The following ZNF35 variants were observed in gnomAD, a reference collection of about 807,000 sequenced individuals.
ZNF35 encodes zinc finger protein 35 (clone HF.10).
ZNF35 carries 31 observed loss-of-function variants against 45.9 expected under a neutral mutation model. The observed-to-expected ratio is 0.68, with a 90% CI of 0.51 to 0.91. The LOEUF is 0.91. Among genes scored for constraint, ZNF35 ranks in the 40% least tolerant of loss-of-function variants. The pLI is 0.00. For missense variants in ZNF35, 515 were observed against 625.4 expected (o/e 0.82, Z 1.88); for synonymous variants, 205 against 220.2 (o/e 0.93, Z 0.61).
Position 44,660,333 on chromosome 3 carries a change from AT to A in ZNF35, c.*388del, listed in dbSNP as rs1703378930. On this transcript the variant is annotated 3_prime_UTR_variant, in exon 4 of 4. Transcript: ENST00000396056. ...ACAGGCAGGTTATCTGCCTGGTTGA[AT>A]TCTGGTTGAACCGTGTATTCTAATA... 6.2e-6 allele frequency: 1 copy of A among 162,440 alleles called. No homozygotes were observed. Among genetic ancestry groups the A allele is most frequent in the African/African-American group, 2.4e-5 (1 of 41,680 alleles). 10.1% of individuals were successfully genotyped at this position (162,440 alleles called of 1,614,324 possible).
intron 3 of ZNF35, among the ~76,000 whole-genome samples, chr3:44,653,830 A>C (rs1703248793): frequency 6.6e-6 from 1 of 152,174 alleles, no homozygotes; most frequent in South Asian, 2.1e-4. Flanking sequence ...CTGTGTTTCA[A>C]AGCACTTACT....
At chr3:44,651,370 C>T (rs1342532688) in intron 2 of ZNF35, 111 bp downstream of exon 2, 1 of 1,012,932 alleles carries the variant, frequency 9.9e-7, no homozygotes. Context: ...TTCTTGGGTA[C>T]AATTCTAGCT....
chr3:44,646,742 T>C (rs1702980546), upstream of ZNF35: 1 of 489,998 alleles, frequency 2.0e-6, no homozygotes, highest in Non-Finnish European at 3.6e-6. Flanking sequence ...AGGAGGCTTG[T>C]TTTTAAAAGA....
rs758095422 is a variant in ZNF35 at position 44,659,118 on chromosome 3, G to C, written c.755G>C (p.Cys252Ser). The change falls in exon 4 of 4, where the codon TGT becomes TCT. Residue 252 changes from cysteine (C) to serine (S), a missense_variant. By Grantham distance (112) the Cys-to-Ser change is moderately radical. This residue lies in a region of ZNF35 where 275 missense variants were observed against 295.7 expected (regional missense o/e 0.93). Transcript: ENST00000396056. This position sits in a 1 kb window ranked among gnomAD's most constrained non-coding sequence, Gnocchi z 4.3. ...CACACTGGAGAGAAACCCTTTGAAT[G>C]TCATGAGTGTGGGAAGGCCTTCATT... ...RIHTGEKPFECHECGKAFIQS... is the reference protein window; with the variant it reads ...RIHTGEKPFESHECGKAFIQS... The C allele has an allele frequency of 6.2e-7, 1 of 1,614,184 alleles. No individual in the cohort carries two copies. The highest frequency in any genetic ancestry group is 8.5e-7 in the Non-Finnish European group (1 of 1,180,018).
intron 2 of ZNF35, among the ~76,000 whole-genome samples, chr3:44,651,636 T>C (rs913443107): frequency 2.0e-5 from 3 of 152,102 alleles, no homozygotes; most frequent in African/African-American, 7.2e-5. Flanking sequence ...AAGACCAGCC[T>C]GAGCAACATT....
upstream of ZNF35, chr3:44,647,592 T>G (rs1703031947): frequency 1.3e-5 from 2 of 152,362 alleles, no homozygotes; most frequent in South Asian, 4.1e-4. Flanking sequence ...GTGGTTTATG[T>G]ATTACCATGG....
chr3:44,656,688 T>A (rs1294510200), intron 3 of ZNF35, among the ~76,000 whole-genome samples: 6 of 134,472 alleles, frequency 4.5e-5, no homozygotes, highest in African/African-American at 1.7e-4. Context: ...TGCACCCGGC[T>A]TTTTTTTTTT....
chr3:44,657,592 CAG>C (rs1703331912), intron 3 of ZNF35, among the ~76,000 whole-genome samples: 1 of 152,162 alleles, frequency 6.6e-6, no homozygotes, highest in South Asian at 2.1e-4. Flanking sequence ...GTAAAGCATC[CAG>C]AGACTAATCA....
At chr3:44,656,460 G>A (rs552832447) in intron 3 of ZNF35, among the ~76,000 whole-genome samples, 2 of 149,280 alleles carry the variant, frequency 1.3e-5, no homozygotes, top group South Asian at 2.1e-4. Context: ...GCACGATTTC[G>A]GCTAACTGCA....
intron 2 of ZNF35, among the ~76,000 whole-genome samples, chr3:44,651,692 G>A (rs551481468): frequency 6.6e-6 from 1 of 152,014 alleles, no homozygotes; most frequent in Non-Finnish European, 1.5e-5. Context: ...AATTAGCTTG[G>A]CATGGTGGCA....
At position 44,659,833 on chromosome 3, in the gene ZNF35, C is replaced by T. The variant is rs147536446; in HGVS notation, c.1470C>T (p.Thr490=). 2.3e-5 allele frequency: 36 copies of T among 1,597,200 alleles called. 1 individual carries two copies. In the South Asian group the frequency reaches 3.6e-4, roughly 16 times the overall value. ...GKAFRQRSSL[T]VHQRTHTGEK... Reference sequence around the variant, plus strand: ...CCTTCAGACAGAGGTCGAGCCTCACCGTGCACCAGAGAACCCACACTGGGG... The same window carrying T: ...CCTTCAGACAGAGGTCGAGCCTCACTGTGCACCAGAGAACCCACACTGGGG... The change falls in exon 4 of 4, where the codon ACC becomes ACT. Residue 490 remains threonine, a synonymous_variant. Coordinates refer to ENST00000396056, the MANE Select transcript of ZNF35 (RefSeq NM_003420.4). The surrounding 1 kb of genome is among the most constrained non-coding windows in gnomAD (Gnocchi z 4.3).
At position 44,650,948 on chromosome 3, in the gene ZNF35, T is replaced by C; in HGVS notation, c.-120T>C. On this transcript the variant is annotated 5_prime_UTR_variant, in exon 2 of 4. Coordinates refer to ENST00000396056, the MANE Select transcript of ZNF35 (RefSeq NM_003420.4). Reference sequence around the variant, plus strand: ...TGTTTTCTGATTTCTCAGTAGGCAGTACTCATCTTGGCCCTGGGAAGAAAC... The same window carrying C: ...TGTTTTCTGATTTCTCAGTAGGCAGCACTCATCTTGGCCCTGGGAAGAAAC... 1 of 940,290 alleles carries C rather than the reference T, an allele frequency of 1.1e-6. No individual in the cohort carries two copies. The highest frequency in any genetic ancestry group is 1.6e-6 in the Non-Finnish European group (1 of 636,244). The allele number at this position is 940,290 out of a possible 1,614,324, so 58.2% of individuals were successfully genotyped here.
chr3:44,660,260 CT>C lies in ZNF35; in HGVS notation c.*319del. 4.7e-6 allele frequency: 1 copy of C among 214,762 alleles called. No individual in the cohort carries two copies. The highest frequency in any genetic ancestry group is 9.2e-6 in the Non-Finnish European group (1 of 109,080). The allele number at this position is 214,762 out of a possible 1,614,324, so 13.3% of individuals were successfully genotyped here. ...GTAATGATGCTATTTGGGGAAAGGT[CT>C]TTTTTGCTTAATTTTGTTTTTTAAA... is the stretch of plus-strand genomic sequence containing the variant. On this transcript the variant is annotated 3_prime_UTR_variant, in exon 4 of 4. Transcript: ENST00000396056.
At chr3:44,649,947 A>G (rs1161100880) in intron 1 of ZNF35, among the ~76,000 whole-genome samples, 1 of 152,200 alleles carries the variant, frequency 6.6e-6, no homozygotes, top group Non-Finnish European at 1.5e-5. Flanking sequence ...GCTGAACAGT[A>G]TATAACTGTG....
chr3:44,660,110 A>T lies in ZNF35; in HGVS notation c.*163A>T. The T allele has an allele frequency of 4.1e-6, 3 of 732,396 alleles. No homozygotes were observed. Among genetic ancestry groups the T allele is most frequent in the East Asian group, 2.9e-5 (1 of 34,196 alleles). 45.4% of individuals were successfully genotyped at this position (732,396 alleles called of 1,614,324 possible). On this transcript the variant is annotated 3_prime_UTR_variant, in exon 4 of 4. Transcript: ENST00000396056. ...AGAAGACACAAGAAAAGCATTTCAG[A>T]GGCTAATTTAAAACAAAAAGTAAGC...
rs774936541 is a variant in ZNF35 at position 44,659,530 on chromosome 3, A to C, written c.1167A>C (p.Pro389=). Residue 389 remains proline, a synonymous_variant, in exon 4 of 4, where the codon CCA becomes CCC. Transcript: ENST00000396056. The surrounding 1 kb of genome is among the most constrained non-coding windows in gnomAD (Gnocchi z 4.3). ...VHQRSHTGEK[P]YECKECGKAF... is the part of the protein sequence containing the mutation. Reference sequence around the variant, plus strand: ...AGCGAAGCCATACTGGTGAGAAGCCATATGAGTGTAAAGAGTGTGGGAAAG... The same window carrying C: ...AGCGAAGCCATACTGGTGAGAAGCCCTATGAGTGTAAAGAGTGTGGGAAAG... 6.2e-7 allele frequency: 1 copy of C among 1,614,014 alleles called. No homozygotes were observed.
chr3:44,656,497 T>C (rs534275605), intron 3 of ZNF35, among the ~76,000 whole-genome samples: 75 of 151,444 alleles, frequency 5.0e-4, no homozygotes, highest in African/African-American at 1.8e-3. Flanking sequence ...TTCAATTGAT[T>C]CTTACGCCTC....
rs146760313 is a variant in ZNF35 at position 44,658,928 on chromosome 3, A to C, written c.565A>C (p.Lys189Gln). ...TGACTGTCACTTACCTGAAAGCTTC[A>C]AAGAAGAGGAAAACCAGAAATGTAA... ...VNDCHLPESF[K>Q]EEENQKCKKS... The change falls in exon 4 of 4, where the codon AAA (lysine) becomes CAA (glutamine). Residue 189 changes from lysine to glutamine, a missense_variant. By Grantham distance (53) the Lys-to-Gln change is moderately conservative. Around this residue, in one of 3 missense-constraint regions of ZNF35, gnomAD observed 275 missense variants for 295.7 expected, o/e 0.93. Transcript: ENST00000396056. The C allele has an allele frequency of 1.2e-6, 2 of 1,613,702 alleles. No individual in the cohort carries two copies. Among genetic ancestry groups the C allele is most frequent in the East Asian group, 2.2e-5 (1 of 44,890 alleles).
chr3:44,658,441 C>T (rs185038393), intron 3 of ZNF35, among the ~76,000 whole-genome samples: 4 of 152,202 alleles, frequency 2.6e-5, no homozygotes, highest in East Asian at 3.9e-4. Context: ...CAGCGGGCAG[C>T]GGGGTTAAGT....
Sources: gnomAD v4.1 joint callset for allele counts (sites outside exome capture counted in the v4.1 genomes callset) on GRCh38, gnomAD v4.1.1 for gene constraint, gnomAD v4.1.1 regional missense constraint, Gnocchi (gnomAD v3.1) non-coding constraint, MANE v1.5 for transcripts, NCBI Gene and HGNC (gene_info 2026-07-23, HGNC 2026-07-21) for gene names.